Variants in EPB41L3 observed in about 807,000 individuals in gnomAD.
EPB41L3 encodes the protein band 4.1-like protein 3.
In EPB41L3, 57 loss-of-function variants were observed where a neutral mutation model predicts 127.1. The ratio of observed to expected loss-of-function variants is 0.45; its 90% CI spans 0.36 to 0.56. The LOEUF is 0.56. Ranked by LOEUF, EPB41L3 falls within the 20% of genes least tolerant of loss-of-function variation. The pLI is 0.00. For missense variants in EPB41L3, 1,273 were observed against 1,372.2 expected (o/e 0.93, Z 1.14); for synonymous variants, 572 against 549.5 (o/e 1.04, Z -0.57).
At position 5,407,845 on chromosome 18, in the gene EPB41L3, T is replaced by C. The variant is rs901967072; in HGVS notation, c.2122-109A>G. The C allele has an allele frequency of 1.0e-5, 9 of 894,722 alleles. No homozygotes were observed. In the African/African-American group the frequency reaches 1.3e-4, roughly 13 times the overall value. 55.4% of individuals were successfully genotyped at this position (894,722 alleles called of 1,614,324 possible). On this transcript the variant is annotated intron_variant, in intron 14 of 22. Coordinates refer to ENST00000341928, the MANE Select transcript of EPB41L3 (RefSeq NM_012307.5). Reference sequence around the variant, plus strand: ...GCTAAATGTGGGCACGTGTACGCTCTTGCATATGGATGCCACTTCTTTCTT... The same window carrying C: ...GCTAAATGTGGGCACGTGTACGCTCCTGCATATGGATGCCACTTCTTTCTT...
chr18:5,625,209 A>G (rs2094909238), intron 1 of EPB41L3, among the ~76,000 whole-genome samples: 1 of 152,084 alleles, frequency 6.6e-6, no homozygotes, highest in South Asian at 2.1e-4. Context: ...GGAGCACTGT[A>G]AAAGAACTGA....
At chr18:5,436,853 A>G (rs984341135) in intron 6 of EPB41L3, among the ~76,000 whole-genome samples, 3 of 152,210 alleles carry the variant, frequency 2.0e-5, no homozygotes, top group African/African-American at 7.2e-5. Context: ...AATATAAAAA[A>G]TCCTCTGGAA....
chr18:5,469,093 C>T (rs529398096), intron 3 of EPB41L3, among the ~76,000 whole-genome samples: 3 of 152,160 alleles, frequency 2.0e-5, no homozygotes, highest in Non-Finnish European at 4.4e-5. Flanking sequence ...GCACATGGAA[C>T]AAGAACTCAG....
chr18:5,510,011 C>T (rs1332945272), intron 1 of EPB41L3, among the ~76,000 whole-genome samples: 1 of 152,188 alleles, frequency 6.6e-6, no homozygotes, highest in Non-Finnish European at 1.5e-5. Context: ...ATATGGAGAT[C>T]AGGGAAAGCT....
Position 5,543,517 on chromosome 18 carries a change from G to A in EPB41L3, c.-12+396C>T, listed in dbSNP as rs1232335232. ...CAGCCCGAGGGGCAACTTAAAACAT[G>A]GCGCCCCGGGCGGGGGATTTGTGCA... On this transcript the variant is annotated intron_variant, in intron 1 of 22. Transcript: ENST00000341928. The surrounding 1 kb of genome is among the most constrained non-coding windows in gnomAD (Gnocchi z 5.2). 1.4e-5 allele frequency: 2 copies of A among 147,498 alleles called. No homozygotes were observed. Among genetic ancestry groups the A allele is most frequent in the Non-Finnish European group, 3.0e-5 (2 of 66,242 alleles). The allele number at this position is 147,498 out of a possible 1,614,324, so 9.1% of individuals were successfully genotyped here.
intron 3 of EPB41L3, among the ~76,000 whole-genome samples, chr18:5,572,742 T>G (rs950337252): frequency 3.3e-5 from 5 of 152,078 alleles, no homozygotes; most frequent in Non-Finnish European, 7.4e-5. Flanking sequence ...CTCAGGTAAT[T>G]TTTTAAAATT....
chr18:5,575,236 C>T (rs1350729329), intron 3 of EPB41L3, among the ~76,000 whole-genome samples: 1 of 152,092 alleles, frequency 6.6e-6, no homozygotes, highest in Admixed American at 6.6e-5. Context: ...ATAAAATATC[C>T]TCAATAGCTG....
At chr18:5,473,448 C>T (rs1168409552) in intron 3 of EPB41L3, among the ~76,000 whole-genome samples, 1 of 151,718 alleles carries the variant, frequency 6.6e-6, no homozygotes, top group African/African-American at 2.4e-5. Context: ...GCAAACCTAT[C>T]TTATGAAATA....
At chr18:5,467,417 G>A (rs964212665) in intron 3 of EPB41L3, 1 of 152,148 alleles carries the variant, frequency 6.6e-6, no homozygotes, top group Non-Finnish European at 1.5e-5. Flanking sequence ...AACAGGATCT[G>A]AGCCCCTTTT....
chr18:5,618,944 C>T (rs2094829189), intron 1 of EPB41L3, among the ~76,000 whole-genome samples: 1 of 152,164 alleles, frequency 6.6e-6, no homozygotes, highest in Non-Finnish European at 1.5e-5. Context: ...ACACCTTTAA[C>T]ACCAAACAGG....
intron 3 of EPB41L3, among the ~76,000 whole-genome samples, chr18:5,576,311 AAAAT>A (rs1290228028): frequency 2.6e-5 from 4 of 152,230 alleles, no homozygotes; most frequent in Non-Finnish European, 5.9e-5. Context: ...TAATGTCAGA[AAAAT>A]AAATAAATAA....
At chr18:5,547,499 G>C (rs2093900196), upstream of EPB41L3, among the ~76,000 whole-genome samples, 3 of 152,108 alleles carry the variant, frequency 2.0e-5, no homozygotes, top group South Asian at 6.2e-4. Context: ...CTCTAGCCTA[G>C]GTCTTAGGAT....
Position 5,415,926 on chromosome 18 carries a change from A to C in EPB41L3, c.1959T>G (p.Ala653=). 1 of 1,614,096 alleles carries C rather than the reference A, an allele frequency of 6.2e-7. No homozygotes were observed. Among genetic ancestry groups the C allele is most frequent in the Non-Finnish European group, 8.5e-7 (1 of 1,180,022 alleles). Reference sequence around the variant, plus strand: ...GAGCCAGAGGGAAGGAGAGAGTGAGAGCGTATGGCACTGAGAAGGAGGCAG... The same window carrying C: ...GAGCCAGAGGGAAGGAGAGAGTGAGCGCGTATGGCACTGAGAAGGAGGCAG... ...LLSASFSVPY[A]LTLSFPLALC... The change falls in exon 13 of 23, where the codon GCT becomes GCG. Residue 653 remains alanine (A), a synonymous_variant. Transcript: ENST00000341928.
Position 5,395,686 on chromosome 18 carries a change from C to T in EPB41L3, c.2995G>A (p.Glu999Lys). Reference sequence around the variant, plus strand: ...TGTGCACTCATCAGCACGCCTGGCTCCAGATCTGTGCCTGGATCGACCTAA... The same window carrying T: ...TGTGCACTCATCAGCACGCCTGGCTTCAGATCTGTGCCTGGATCGACCTAA... ...SSQVDPGTDL[E>K]PGVLMSAQTI... is the part of the protein sequence containing the mutation. The change falls in exon 20 of 23, where the codon GAG (glutamate) becomes AAG (lysine). Residue 999 changes from glutamate to lysine, a missense_variant. Coordinates refer to ENST00000341928, the MANE Select transcript of EPB41L3 (RefSeq NM_012307.5). 6.2e-7 allele frequency: 1 copy of T among 1,614,160 alleles called. No homozygotes were observed. The highest frequency in any genetic ancestry group is 8.5e-7 in the Non-Finnish European group (1 of 1,180,018).
chr18:5,478,182 T>C (rs1383035594), intron 3 of EPB41L3, 59 bp downstream of exon 3: 5 of 1,490,184 alleles, frequency 3.4e-6, no homozygotes, highest in Admixed American at 1.8e-5. Context: ...GTATATTTTA[T>C]ACCAACATTC....
chr18:5,593,000 G>T (rs1236820023), intron 3 of EPB41L3, among the ~76,000 whole-genome samples: 1 of 152,154 alleles, frequency 6.6e-6, no homozygotes, highest in Non-Finnish European at 1.5e-5. Context: ...GTATCATGTA[G>T]GGCAGTGCTA....
At chr18:5,480,764 T>C (rs1333029240) in intron 2 of EPB41L3, 1 of 152,194 alleles carries the variant, frequency 6.6e-6, no homozygotes, top group African/African-American at 2.4e-5. Flanking sequence ...CAGTCATCTC[T>C]CCCTCTTAGT....
At chr18:5,549,978 G>A (rs902653652) in intron 3 of EPB41L3, among the ~76,000 whole-genome samples, 2 of 152,204 alleles carry the variant, frequency 1.3e-5, no homozygotes, top group African/African-American at 2.4e-5. Flanking sequence ...TGCAGCAGCA[G>A]TTCATTAGCA....
At chr18:5,586,079 C>T (rs1451741706) in intron 3 of EPB41L3, among the ~76,000 whole-genome samples, 1 of 152,192 alleles carries the variant, frequency 6.6e-6, no homozygotes, top group Non-Finnish European at 1.5e-5. Context: ...TTTCATACCC[C>T]TCTATAAAAT....
Sources: gnomAD v4.1 joint callset for allele counts (sites outside exome capture counted in the v4.1 genomes callset) on GRCh38, gnomAD v4.1.1 for gene constraint, Gnocchi (gnomAD v3.1) non-coding constraint, MANE v1.5 for transcripts, NCBI Gene and HGNC (gene_info 2026-07-23, HGNC 2026-07-21) for gene names.